TMEM177: variants seen among roughly 807,000 people sequenced by gnomAD.
TMEM177 encodes the protein transmembrane protein 177.
A neutral mutation model predicts 14.2 loss-of-function variants in TMEM177; 4 were observed. That is an observed-to-expected ratio of 0.28 (90% CI 0.14 to 0.64). The LOEUF is 0.64. Among genes scored for constraint, TMEM177 ranks in the 30% least tolerant of loss-of-function variants. The pLI is 0.82. For synonymous variants in TMEM177, 179 were observed against 174.5 expected, an observed-to-expected ratio of 1.03 and a Z score of -0.20; for missense variants, 344 against 405.2, an observed-to-expected ratio of 0.85 and a Z score of 1.30.
chr2:119,701,630 A>T, the TMEM177 span, among the ~76,000 whole-genome samples: 1 of 152,204 alleles, frequency 6.6e-6, no homozygotes, highest in Admixed American at 6.5e-5. Context: ...CAATGGGTTC[A>T]CCTTGCTGGC....
chr2:119,719,963 T>G, the TMEM177 span, among the ~76,000 whole-genome samples: 1 of 151,884 alleles, frequency 6.6e-6, no homozygotes, highest in Non-Finnish European at 1.5e-5. Flanking sequence ...CTGGCTAATT[T>G]TTTATCTTTT....
the TMEM177 span, among the ~76,000 whole-genome samples, chr2:119,721,894 T>C: frequency 6.6e-6 from 1 of 152,174 alleles, no homozygotes; most frequent in African/African-American, 2.4e-5. Context: ...CCTAAGACAA[T>C]CACCAGGAGA....
rs907729923 is a variant in TMEM177, at chr2:119,681,109, T to C, written c.256T>C (p.Phe86Leu). The C allele has an allele frequency of 1.9e-6, 3 of 1,614,132 alleles. No homozygotes were observed. Among genetic ancestry groups the C allele is most frequent in the Non-Finnish European group, 2.5e-6 (3 of 1,180,044 alleles). The change falls in exon 2 of 2, where the codon TTC becomes CTC. Residue 86 changes from phenylalanine (F) to leucine (L), a missense_variant. Transcript: ENST00000272521. ...SGHCYKPFTT[F>L]TFQPVSAGFP... is the part of the protein sequence containing the mutation. The stretch of plus-strand genomic sequence containing the variant: ...CCATTGCTACAAGCCCTTCACCACC[T>C]TCACCTTCCAACCTGTGAGTGCAGG...
chr2:119,697,432 G>A, the TMEM177 span, among the ~76,000 whole-genome samples: 1 of 152,166 alleles, frequency 6.6e-6, no homozygotes, highest in South Asian at 2.1e-4. Context: ...TTGGTGGTGT[G>A]TGCCTGCTCA....
downstream of TMEM177, among the ~76,000 whole-genome samples, chr2:119,690,635 A>G (rs539421863): frequency 2.4e-4 from 36 of 152,258 alleles, no homozygotes; most frequent in South Asian, 2.3e-3. Flanking sequence ...CGGCGTCCAC[A>G]TGCCACACGG....
downstream of TMEM177, among the ~76,000 whole-genome samples, chr2:119,690,910 G>A (rs1689084762): frequency 6.6e-6 from 1 of 152,210 alleles, no homozygotes; most frequent in Non-Finnish European, 1.5e-5. Context: ...AAAGACCAAA[G>A]TCCTAGCCCT....
chr2:119,691,512 C>T, the TMEM177 span, among the ~76,000 whole-genome samples: 3 of 152,096 alleles, frequency 2.0e-5, no homozygotes, highest in Admixed American at 6.5e-5. Context: ...CACTGCCTCA[C>T]ACAACATTCT....
chr2:119,689,374 A>G (rs1188237408), downstream of TMEM177, among the ~76,000 whole-genome samples: 1 of 152,214 alleles, frequency 6.6e-6, no homozygotes, highest in African/African-American at 2.4e-5. Context: ...GGAGCATAGG[A>G]GGAGGGCAGC....
chr2:119,694,654 G>A, the TMEM177 span, among the ~76,000 whole-genome samples: 3 of 152,204 alleles, frequency 2.0e-5, no homozygotes, highest in East Asian at 1.9e-4. Flanking sequence ...TTTCATATGC[G>A]CAGGGTCACT....
chr2:119,701,624 G>A, the TMEM177 span, among the ~76,000 whole-genome samples: 1 of 152,218 alleles, frequency 6.6e-6, no homozygotes, highest in African/African-American at 2.4e-5. Context: ...ACCGCCCAAT[G>A]GGTTCACCTT....
the TMEM177 span, among the ~76,000 whole-genome samples, chr2:119,722,686 G>A: frequency 6.6e-6 from 1 of 152,190 alleles, no homozygotes. Flanking sequence ...ATAACTAAAT[G>A]CATAGTATTT....
downstream of TMEM177, among the ~76,000 whole-genome samples, chr2:119,690,155 G>T (rs1024673553): frequency 2.0e-5 from 3 of 152,190 alleles, no homozygotes; most frequent in Admixed American, 6.5e-5. Flanking sequence ...ATTGGATCGT[G>T]GGGGTGGCTT....
the TMEM177 span, among the ~76,000 whole-genome samples, chr2:119,698,262 G>C: frequency 2.0e-5 from 3 of 152,266 alleles, no homozygotes; most frequent in East Asian, 3.9e-4. Flanking sequence ...TCCTAGGAAG[G>C]GGGTCAAAGT....
the TMEM177 span, among the ~76,000 whole-genome samples, chr2:119,704,479 T>C: frequency 6.6e-6 from 1 of 152,086 alleles, no homozygotes; most frequent in African/African-American, 2.4e-5. Context: ...ATGGCTGTAA[T>C]CCCAGCTACT....
downstream of TMEM177, among the ~76,000 whole-genome samples, chr2:119,689,874 A>G (rs1472635465): frequency 1.3e-5 from 2 of 152,222 alleles, no homozygotes; most frequent in African/African-American, 2.4e-5. Flanking sequence ...TATTATAACA[A>G]CAGAGGGTTG....
the TMEM177 span, among the ~76,000 whole-genome samples, chr2:119,721,264 T>C: frequency 6.6e-6 from 1 of 152,188 alleles, no homozygotes; most frequent in Non-Finnish European, 1.5e-5. Flanking sequence ...TGTTCAGTCA[T>C]GCCAATGGAA....
At chr2:119,693,170 G>C in the TMEM177 span, among the ~76,000 whole-genome samples, 541 of 152,164 alleles carry the variant, frequency 3.6e-3, 3 homozygotes, top group African/African-American at 0.012. Context: ...GGGGGTCACA[G>C]GTCAAGGCCG....
chr2:119,685,607 T>C (rs1329205473), downstream of TMEM177: 1 of 715,124 alleles, frequency 1.4e-6, no homozygotes, highest in African/African-American at 1.8e-5. Context: ...TTTTCTCATT[T>C]ATTCCCAATT....
At chr2:119,686,804 G>A (rs1217353349), downstream of TMEM177, among the ~76,000 whole-genome samples, 5 of 151,638 alleles carry the variant, frequency 3.3e-5, no homozygotes, top group African/African-American at 1.2e-4. Flanking sequence ...CTGTTCTCAA[G>A]AGATCCACAC....
Sources: gnomAD v4.1 joint callset for allele counts (sites outside exome capture counted in the v4.1 genomes callset) on GRCh38, gnomAD v4.1.1 for gene constraint, MANE v1.5 for transcripts, NCBI Gene and HGNC (gene_info 2026-07-23, HGNC 2026-07-21) for gene names.